Variants in CACNA2D3 observed in about 807,000 individuals in gnomAD.
The protein encoded by CACNA2D3 is calcium voltage-gated channel auxiliary subunit alpha2delta 3.
In CACNA2D3, 60 loss-of-function variants were observed where a neutral mutation model predicts 160.6. The observed-to-expected ratio is 0.37, with a 90% CI of 0.30 to 0.46. The LOEUF is 0.46. Among genes scored for constraint, CACNA2D3 ranks in the 20% least tolerant of loss-of-function variants. CACNA2D3 has a pLI of 1.00. For missense variants in CACNA2D3, 1,205 were observed against 1,365.0 expected (o/e 0.88, Z 1.85); for synonymous variants, 558 against 492.9 (o/e 1.13, Z -1.75).
intron 9 of CACNA2D3, among the ~76,000 whole-genome samples, chr3:54,599,248 A>C (rs1244030463): frequency 6.6e-5 from 10 of 152,168 alleles, no homozygotes; most frequent in Non-Finnish European, 1.5e-4. Flanking sequence ...ACATACTCTG[A>C]GGGAGAGGAA....
chr3:54,718,646 T>A (rs1398245631), intron 11 of CACNA2D3, among the ~76,000 whole-genome samples: 1 of 152,118 alleles, frequency 6.6e-6, no homozygotes, highest in Admixed American at 6.5e-5. Flanking sequence ...CAAAATTGTC[T>A]TTGCTCTTCT....
chr3:54,752,478 C>T, intron 11 of CACNA2D3, 121 bp from the exon 12 acceptor site: 1 of 673,918 alleles, frequency 1.5e-6, no homozygotes, highest in Non-Finnish European at 2.7e-6. Context: ...AAATATGTTC[C>T]TGCAGATGGG....
rs545632614 is a variant in CACNA2D3, at chr3:54,722,491, T to A, written c.1168-30108T>A. ...TGATCCTTTGGAGGAGAAGAGGCCT[T>A]CTGGTTTTTGGAATTTTCAGCCTTT... On this transcript the variant is annotated intron_variant, in intron 11 of 37. Coordinates refer to ENST00000474759, the MANE Select transcript of CACNA2D3 (RefSeq NM_018398.3). 7.9e-5 allele frequency among the ~76,000 whole-genome samples: 12 copies of A among 152,290 alleles called. No homozygotes were observed. The South Asian group carries it at 2.1e-3, about 26-fold the overall frequency.
chr3:54,312,866 A>G (rs1029004980), intron 2 of CACNA2D3, among the ~76,000 whole-genome samples: 8 of 152,166 alleles, frequency 5.3e-5, no homozygotes, highest in Admixed American at 5.2e-4. Context: ...GGCTAAATCC[A>G]CAGGCTGCCT....
chr3:54,715,519 A>G (rs1352813574), intron 11 of CACNA2D3, among the ~76,000 whole-genome samples: 1 of 151,918 alleles, frequency 6.6e-6, no homozygotes, highest in African/African-American at 2.4e-5. Flanking sequence ...TGGGGGGGGC[A>G]GGGGGAGGTA....
intron 2 of CACNA2D3, among the ~76,000 whole-genome samples, chr3:54,243,398 T>A (rs959766702): frequency 6.6e-6 from 1 of 152,244 alleles, no homozygotes; most frequent in African/African-American, 2.4e-5. Context: ...CTCTTTGTTT[T>A]GTTCTGTTTT....
At chr3:54,861,840 G>A (rs1699298006) in intron 17 of CACNA2D3, among the ~76,000 whole-genome samples, 1 of 152,182 alleles carries the variant, frequency 6.6e-6, no homozygotes. Flanking sequence ...GTGTTTCCAT[G>A]GTCACAGGCA....
intron 2 of CACNA2D3, among the ~76,000 whole-genome samples, chr3:54,253,631 T>C (rs982375843): frequency 3.9e-5 from 6 of 152,146 alleles, no homozygotes; most frequent in Admixed American, 1.3e-4. Context: ...ATCCAAGCCA[T>C]ATCAGTGTCT....
chr3:54,870,138 G>A (rs1379295353), intron 17 of CACNA2D3, among the ~76,000 whole-genome samples: 1 of 152,116 alleles, frequency 6.6e-6, no homozygotes, highest in Non-Finnish European at 1.5e-5. Flanking sequence ...GAGTGCATGC[G>A]TGGACACTTG....
intron 11 of CACNA2D3, among the ~76,000 whole-genome samples, chr3:54,682,807 G>T (rs1700380078): frequency 6.6e-6 from 1 of 152,042 alleles, no homozygotes; most frequent in Non-Finnish European, 1.5e-5. Flanking sequence ...CAGTAGGCTT[G>T]GGCTGAGCAC....
chr3:54,693,943 T>C (rs1700613092), intron 11 of CACNA2D3, among the ~76,000 whole-genome samples: 1 of 152,180 alleles, frequency 6.6e-6, no homozygotes, highest in African/African-American at 2.4e-5. Flanking sequence ...TTTATAAAAG[T>C]CACAGTTAGC....
intron 16 of CACNA2D3, among the ~76,000 whole-genome samples, chr3:54,843,767 G>A (rs1698873191): frequency 3.9e-5 from 6 of 152,230 alleles, no homozygotes; most frequent in Admixed American, 3.9e-4. Context: ...CAGTTGGGTA[G>A]CAGGATGGAA....
intron 2 of CACNA2D3, among the ~76,000 whole-genome samples, chr3:54,170,137 C>T (rs1700536094): frequency 6.6e-6 from 1 of 150,828 alleles, no homozygotes; most frequent in South Asian, 2.1e-4. Flanking sequence ...TTGCAGTGAG[C>T]CGAGATTGCG....
At chr3:55,033,262 T>C (rs1038985986) in intron 35 of CACNA2D3, among the ~76,000 whole-genome samples, 3 of 152,082 alleles carry the variant, frequency 2.0e-5, no homozygotes, top group Non-Finnish European at 4.4e-5. Context: ...AACTATTAAC[T>C]AACAAAATAC....
intron 2 of CACNA2D3, among the ~76,000 whole-genome samples, chr3:54,290,013 C>T (rs1341341808): frequency 7.9e-5 from 12 of 151,320 alleles, no homozygotes; most frequent in African/African-American, 2.4e-4. Context: ...GACTTCATGT[C>T]TAAAACACCA....
At chr3:54,974,810 C>T (rs1702349209) in intron 29 of CACNA2D3, among the ~76,000 whole-genome samples, 1 of 152,188 alleles carries the variant, frequency 6.6e-6, no homozygotes, top group Admixed American at 6.5e-5. Context: ...CTAATTTCTT[C>T]AAGCTCTTCA....
intron 2 of CACNA2D3, among the ~76,000 whole-genome samples, chr3:54,218,342 C>T (rs184427121): frequency 6.6e-6 from 1 of 152,218 alleles, no homozygotes; most frequent in African/African-American, 2.4e-5. Context: ...GCTGATGCTG[C>T]CCTGTGGGAT....
chr3:54,698,038 G>A (rs1700696202), intron 11 of CACNA2D3, among the ~76,000 whole-genome samples: 1 of 152,164 alleles, frequency 6.6e-6, no homozygotes, highest in South Asian at 2.1e-4. Flanking sequence ...TTTAGCTATT[G>A]TCATTTTTGC....
At chr3:54,837,348 T>A (rs1032168350) in intron 15 of CACNA2D3, 118 bp downstream of exon 15, 13 of 806,404 alleles carry the variant, frequency 1.6e-5, no homozygotes, top group Non-Finnish European at 2.5e-5. Context: ...TCATTTTTCC[T>A]TATTGTTTGA....
Sources: gnomAD v4.1 joint callset for allele counts (sites outside exome capture counted in the v4.1 genomes callset) on GRCh38, gnomAD v4.1.1 for gene constraint, MANE v1.5 for transcripts, NCBI Gene and HGNC (gene_info 2026-07-23, HGNC 2026-07-21) for gene names.